LINC00305: variants seen among roughly 807,000 people sequenced by gnomAD.
LINC00305 encodes the protein long intergenic non-protein coding RNA 305.
intron 3 of LINC00305, among the ~76,000 whole-genome samples, chr18:64,091,893 A>G (rs537986859): frequency 1.3e-5 from 2 of 152,332 alleles, no homozygotes; most frequent in East Asian, 1.9e-4. Context: ...AATCTGTGCT[A>G]TATTGAAAGG....
chr18:64,134,162 T>C (rs912323919), intron 1 of LINC00305, among the ~76,000 whole-genome samples: 2 of 152,118 alleles, frequency 1.3e-5, no homozygotes, highest in South Asian at 2.1e-4. Context: ...GTAAGAAAAA[T>C]ATCACTCAAA....
intron 1 of LINC00305, among the ~76,000 whole-genome samples, chr18:64,100,011 G>C (rs2051261890): frequency 6.6e-6 from 1 of 152,140 alleles, no homozygotes; most frequent in African/African-American, 2.4e-5. Flanking sequence ...TGAATTAGTA[G>C]CAGTCTCTAT....
chr18:64,143,028 C>T (rs762110810), intron 1 of LINC00305, among the ~76,000 whole-genome samples: 27 of 151,726 alleles, frequency 1.8e-4, no homozygotes, highest in Non-Finnish European at 3.7e-4. Context: ...TCAAACATAC[C>T]AAAGCACAAG....
At chr18:64,128,006 T>C (rs1047549611) in intron 1 of LINC00305, among the ~76,000 whole-genome samples, 3 of 152,138 alleles carry the variant, frequency 2.0e-5, no homozygotes, top group Non-Finnish European at 4.4e-5. Context: ...GTTACTCCAG[T>C]AAGAAATCTT....
At chr18:64,089,586 G>C (rs2051217192) in intron 3 of LINC00305, among the ~76,000 whole-genome samples, 1 of 152,138 alleles carries the variant, frequency 6.6e-6, no homozygotes, top group African/African-American at 2.4e-5. Flanking sequence ...TTAAGGAGTG[G>C]GGAAAAGGCA....
At chr18:64,090,159 T>C (rs76434841) in intron 3 of LINC00305, among the ~76,000 whole-genome samples, 2,327 of 152,336 alleles carry the variant, frequency 0.015, 63 homozygotes, top group African/African-American at 0.054. Context: ...GAAAAGTTTA[T>C]AGCCAATATC....
chr18:64,137,448 C>T (rs758167125), intron 1 of LINC00305, among the ~76,000 whole-genome samples: 42 of 152,194 alleles, frequency 2.8e-4, no homozygotes, highest in Non-Finnish European at 1.9e-4. Flanking sequence ...GTCTTTCTGT[C>T]TGTCTACTAT....
exon 4 of LINC00305, chr18:64,080,387 A>C (rs1407880766): frequency 2.2e-6 from 1 of 456,968 alleles, no homozygotes; most frequent in Non-Finnish European, 4.4e-6. Context: ...ACCTTTTGAA[A>C]GGTTCTTCCT....
chr18:64,137,539 A>G lies in LINC00305; in HGVS notation n.314+11236T>C, dbSNP rs192116201. Reference sequence around the variant, plus strand: ...GAGCACATATGTGGACACAGATATCATATGTCAGAGGCTCACGACTTGTTT... The same window carrying G: ...GAGCACATATGTGGACACAGATATCGTATGTCAGAGGCTCACGACTTGTTT... On this transcript the variant is annotated intron_variant and non_coding_transcript_variant, in intron 1 of 3. Coordinates refer to ENST00000666468, the Ensembl canonical transcript of LINC00305. 1.7e-3 allele frequency among the ~76,000 whole-genome samples: 252 copies of G among 152,370 alleles called. 1 individual carries two copies. Among genetic ancestry groups the G allele is most frequent in the African/African-American group, 5.8e-3 (240 of 41,590 alleles).
intron 1 of LINC00305, among the ~76,000 whole-genome samples, chr18:64,130,515 C>T (rs1040443904): frequency 6.6e-6 from 1 of 151,892 alleles, no homozygotes; most frequent in African/African-American, 2.4e-5. Context: ...CAAAAAAATA[C>T]ATAGCAAAAG....
intron 1 of LINC00305, among the ~76,000 whole-genome samples, chr18:64,143,576 GTA>G (rs1568120074): frequency 8.6e-4 from 15 of 17,388 alleles, no homozygotes; most frequent in African/African-American, 1.6e-3. Flanking sequence ...ATACACATAT[GTA>G]TATGTACATA....
intron 1 of LINC00305, among the ~76,000 whole-genome samples, chr18:64,140,869 G>T (rs986796816): frequency 2.6e-5 from 4 of 151,870 alleles, no homozygotes; most frequent in African/African-American, 9.7e-5. Flanking sequence ...AGAGAGATGT[G>T]ACCAGGGAAG....
At chr18:64,105,017 C>T (rs1009576906) in intron 1 of LINC00305, among the ~76,000 whole-genome samples, 1 of 151,824 alleles carries the variant, frequency 6.6e-6, no homozygotes, top group Middle Eastern at 3.2e-3. Context: ...TCAGCACCCA[C>T]CCCCCAGCTC....
intron 1 of LINC00305, among the ~76,000 whole-genome samples, chr18:64,119,996 C>CA (rs770955075): frequency 5.9e-4 from 89 of 151,574 alleles, no homozygotes; most frequent in African/African-American, 1.1e-3. Flanking sequence ...GCCAATGCCA[C>CA]AAAAAAAACA....
intron 1 of LINC00305, among the ~76,000 whole-genome samples, chr18:64,147,663 T>C (rs928250877): frequency 1.3e-5 from 2 of 152,178 alleles, no homozygotes; most frequent in Non-Finnish European, 1.5e-5. Flanking sequence ...TTGAGTTAAT[T>C]ACTCAGTATT....
At chr18:64,135,161 TC>T (rs1363384847) in intron 1 of LINC00305, among the ~76,000 whole-genome samples, 1 of 152,180 alleles carries the variant, frequency 6.6e-6, no homozygotes, top group Non-Finnish European at 1.5e-5. Flanking sequence ...TCTTTGTGTG[TC>T]TGTGTCTTTG....
intron 1 of LINC00305, among the ~76,000 whole-genome samples, chr18:64,122,834 T>C (rs2051368125): frequency 6.6e-6 from 1 of 152,094 alleles, no homozygotes; most frequent in African/African-American, 2.4e-5. Context: ...AGGAGATGTT[T>C]TTCCATTTGT....
chr18:64,122,632 T>C (rs1375850502), intron 1 of LINC00305, among the ~76,000 whole-genome samples: 1 of 152,092 alleles, frequency 6.6e-6, no homozygotes, highest in African/African-American at 2.4e-5. Context: ...GTCTTCAGCT[T>C]TGTTCTTTTT....
At chr18:64,087,767 T>C (rs2051208815) in intron 3 of LINC00305, among the ~76,000 whole-genome samples, 1 of 152,144 alleles carries the variant, frequency 6.6e-6, no homozygotes, top group Non-Finnish European at 1.5e-5. Flanking sequence ...AATGAGTTAT[T>C]GTCTGGTGCT....
Sources: gnomAD v4.1 joint callset for allele counts (sites outside exome capture counted in the v4.1 genomes callset) on GRCh38, gnomAD v4.1.1 for gene constraint, MANE v1.5 for transcripts, NCBI Gene and HGNC (gene_info 2026-07-23, HGNC 2026-07-21) for gene names.